The following FARS2 variants were observed in gnomAD, a reference collection of about 807,000 sequenced individuals.
FARS2 encodes phenylalanine--tRNA ligase, mitochondrial.
Under a neutral mutation model 46.4 loss-of-function variants are expected in FARS2, and 40 were observed. That is an observed-to-expected ratio of 0.86 (90% CI 0.67 to 1.12). The LOEUF (loss-of-function observed/expected upper bound fraction) is 1.12. FARS2 is among the 50% of genes most tolerant of loss of function. The pLI, the probability that FARS2 is intolerant of heterozygous loss-of-function variation, is 0.00. For synonymous variants in FARS2, 234 were observed against 214.9 expected, an observed-to-expected ratio of 1.09 and a Z score of -0.78; for missense variants, 513 against 567.9, an observed-to-expected ratio of 0.90 and a Z score of 0.98.
chr6:5,392,962 TA>T (rs1192266688), intron 2 of FARS2, among the ~76,000 whole-genome samples: 20 of 148,106 alleles, frequency 1.4e-4, no homozygotes, highest in African/African-American at 4.7e-4. Context: ...ACACATAAAA[TA>T]TATTGATTTT....
chr6:5,769,260 T>G (rs1465506174), intron 6 of FARS2, among the ~76,000 whole-genome samples: 2 of 152,242 alleles, frequency 1.3e-5, no homozygotes, highest in Non-Finnish European at 2.9e-5. Flanking sequence ...GTCTTGGTGC[T>G]CTTGTCAAAA....
chr6:5,725,065 TTC>T (rs1464652576), intron 6 of FARS2, among the ~76,000 whole-genome samples: 1 of 152,250 alleles, frequency 6.6e-6, no homozygotes, highest in East Asian at 1.9e-4. Context: ...CAGCTATGTC[TTC>T]TGTCTAAGGG....
At chr6:5,595,557 C>T (rs112859177) in intron 5 of FARS2, among the ~76,000 whole-genome samples, 6 of 152,082 alleles carry the variant, frequency 3.9e-5, no homozygotes, top group Non-Finnish European at 5.9e-5. Context: ...GTTAATAGAA[C>T]GAGGGAGAAA....
At chr6:5,488,108 G>A (rs1369330855) in intron 4 of FARS2, among the ~76,000 whole-genome samples, 3 of 152,130 alleles carry the variant, frequency 2.0e-5, no homozygotes, top group Admixed American at 1.3e-4. Flanking sequence ...GTTTTCTCCT[G>A]TGCCCTGGAG....
At position 5,321,660 on chromosome 6, in the gene FARS2, G is replaced by A. The variant is rs75826092; in HGVS notation, c.-21-46890G>A. Among the ~76,000 whole-genome samples the A allele has an allele frequency of 5.2e-3, 797 of 152,090 alleles. 9 individuals are homozygous for A. Among genetic ancestry groups the A allele is most frequent in the South Asian group, 0.019 (93 of 4,800 alleles). On this transcript the variant is annotated intron_variant, in intron 1 of 6. Coordinates refer to ENST00000274680, the MANE Select transcript of FARS2 (RefSeq NM_006567.5). ...TCTATGTTTTAATTCATATCCTAGC[G>A]TCATTTTTCATCCATATAGAAATGT...
chr6:5,410,020 G>C (rs1295653476), intron 3 of FARS2, among the ~76,000 whole-genome samples: 1 of 152,178 alleles, frequency 6.6e-6, no homozygotes, highest in Non-Finnish European at 1.5e-5. Flanking sequence ...AAGAGTGAGA[G>C]GGTCTGTATC....
At chr6:5,478,913 C>G (rs1292606876) in intron 4 of FARS2, among the ~76,000 whole-genome samples, 1 of 152,192 alleles carries the variant, frequency 6.6e-6, no homozygotes, top group Non-Finnish European at 1.5e-5. Flanking sequence ...GCCCCAAATA[C>G]TTGCTGAAAG....
intron 6 of FARS2, among the ~76,000 whole-genome samples, chr6:5,754,600 T>C (rs1320182573): frequency 6.6e-6 from 1 of 152,262 alleles, no homozygotes; most frequent in Admixed American, 6.5e-5. Context: ...TAGGTCTTTC[T>C]TCAAAGGTAT....
chr6:5,315,738 T>TTCCTTTCTTTCTTTCTTTC (rs1769438335), intron 1 of FARS2, among the ~76,000 whole-genome samples: 1 of 125,154 alleles, frequency 8.0e-6, no homozygotes, highest in Non-Finnish European at 1.7e-5. Flanking sequence ...TTCTTTCTTT[T>TTCCTTTCTTTCTTTCTTTC]TTCCTTTCTT....
chr6:5,365,313 C>CTTACTT (rs1561987006), intron 1 of FARS2, among the ~76,000 whole-genome samples: 1 of 68,136 alleles, frequency 1.5e-5, no homozygotes, highest in Non-Finnish European at 2.9e-5. Flanking sequence ...GAGAAGTATA[C>CTTACTT]TTTCTTTTTT....
intron 2 of FARS2, among the ~76,000 whole-genome samples, chr6:5,373,808 C>T (rs938963601): frequency 4.6e-5 from 7 of 151,818 alleles, no homozygotes; most frequent in Non-Finnish European, 8.8e-5. Flanking sequence ...GGATAAAGGA[C>T]CCAATTTCTT....
chr6:5,699,534 G>A (rs1407745810), intron 6 of FARS2, among the ~76,000 whole-genome samples: 3 of 150,236 alleles, frequency 2.0e-5, no homozygotes, highest in Non-Finnish European at 4.4e-5. Flanking sequence ...TTGAGGTGGC[G>A]TCTCACTCTG....
At chr6:5,357,763 A>C (rs1159500933) in intron 1 of FARS2, among the ~76,000 whole-genome samples, 2 of 152,186 alleles carry the variant, frequency 1.3e-5, no homozygotes, top group Admixed American at 1.3e-4. Flanking sequence ...AGTCAGGTGA[A>C]CCTGGTTTGA....
At position 5,431,254 on chromosome 6, in the gene FARS2, A is replaced by T. The variant is rs960580972; in HGVS notation, c.904+82A>T. 4 of 1,386,930 alleles carry T rather than the reference A, an allele frequency of 2.9e-6. No homozygotes were observed. In the African/African-American group the frequency reaches 5.7e-5, roughly 20 times the overall value. 85.9% of individuals were successfully genotyped at this position (1,386,930 alleles called of 1,614,324 possible). A position where few individuals can be genotyped will look rare whatever the true frequency, so the allele number is the denominator to read the frequency against. On this transcript the variant is annotated intron_variant, in intron 4 of 6. Coordinates refer to ENST00000274680, the MANE Select transcript of FARS2 (RefSeq NM_006567.5). The stretch of plus-strand genomic sequence containing the variant: ...AGGCAGCCCCGTTGCACACTTGTAG[A>T]TATTTACATACTTCTATGCGGGCAG...
intron 6 of FARS2, among the ~76,000 whole-genome samples, chr6:5,632,036 A>G (rs1386417118): frequency 6.6e-6 from 1 of 152,218 alleles, no homozygotes; most frequent in African/African-American, 2.4e-5. Context: ...AAAGTTAGAT[A>G]AAACGAGCCA....
intron 1 of FARS2, among the ~76,000 whole-genome samples, chr6:5,264,019 C>T (rs888528467): frequency 3.9e-5 from 6 of 152,032 alleles, no homozygotes; most frequent in African/African-American, 1.5e-4. Flanking sequence ...TGAGACCAGC[C>T]TGGGCAACAT....
intron 1 of FARS2, among the ~76,000 whole-genome samples, chr6:5,305,501 A>G (rs974352760): frequency 2.6e-5 from 4 of 152,260 alleles, no homozygotes; most frequent in African/African-American, 9.6e-5. Context: ...GGAAATTTCA[A>G]CTGAGAAACT....
chr6:5,458,571 A>G (rs138646426), intron 4 of FARS2, among the ~76,000 whole-genome samples: 2 of 152,302 alleles, frequency 1.3e-5, no homozygotes, highest in African/African-American at 4.8e-5. Flanking sequence ...CATAGAGATC[A>G]GGCCCATCAG....
chr6:5,315,818 G>A (rs150866345), intron 1 of FARS2, among the ~76,000 whole-genome samples: 3 of 146,462 alleles, frequency 2.0e-5, no homozygotes, highest in Non-Finnish European at 3.0e-5. Context: ...TTTGTGATGC[G>A]CTGCTTATAA....
Sources: allele counts gnomAD v4.1 joint callset (sites outside exome capture counted in the v4.1 genomes callset), GRCh38; gene constraint gnomAD v4.1.1; transcripts MANE v1.5; gene names NCBI Gene and HGNC (gene_info 2026-07-23, HGNC 2026-07-21).